SNTG1: variants seen among roughly 807,000 people sequenced by gnomAD.
SNTG1 encodes syntrophin gamma 1.
A neutral mutation model predicts 74.7 loss-of-function variants in SNTG1; 39 were observed. The observed-to-expected ratio is 0.52, with a 90% CI of 0.40 to 0.68. The LOEUF is 0.68. Among genes scored for constraint, SNTG1 ranks in the 30% least tolerant of loss-of-function variants. The probability of loss-of-function intolerance (pLI) is 0.00; values close to 1 mark genes in which losing one functional copy is unlikely to be tolerated. For synonymous variants in SNTG1, 254 were observed against 217.1 expected (o/e 1.17, Z -1.49); for missense variants, 685 against 609.5 (o/e 1.12, Z -1.30).
chr8:50,557,091 T>A (rs1444076250), intron 12 of SNTG1, among the ~76,000 whole-genome samples: 1 of 151,984 alleles, frequency 6.6e-6, no homozygotes, highest in East Asian at 1.9e-4. Flanking sequence ...GGGCCCTTTC[T>A]GCCCTGGAAA....
rs1056211688 is a variant in SNTG1 at position 50,715,255 on chromosome 8, A to T, written c.1284+6277A>T. On this transcript the variant is annotated intron_variant, in intron 17 of 18. Transcript: ENST00000642720. ...TATGTAAATATCCATTGTGATTATTAGAACATCATAAATTTGACTCTTAAA... is the reference window on the plus strand; with the variant it reads ...TATGTAAATATCCATTGTGATTATTTGAACATCATAAATTTGACTCTTAAA... Among the ~76,000 whole-genome samples the T allele has an allele frequency of 1.4e-4, 22 of 152,202 alleles. 1 individual carries two copies. Among genetic ancestry groups the T allele is most frequent in the Non-Finnish European group, 2.9e-5 (2 of 68,044 alleles).
intron 12 of SNTG1, among the ~76,000 whole-genome samples, chr8:50,574,708 T>G (rs1313227265): frequency 6.6e-6 from 1 of 152,200 alleles, no homozygotes; most frequent in East Asian, 1.9e-4. Flanking sequence ...TTTGTGTATA[T>G]TATATAATAA....
At chr8:50,301,605 A>C (rs564550814) in intron 2 of SNTG1, among the ~76,000 whole-genome samples, 22 of 151,956 alleles carry the variant, frequency 1.4e-4, no homozygotes, top group Non-Finnish European at 1.5e-4. Flanking sequence ...ACACCTTTCT[A>C]TTTTTAAGCT....
At chr8:50,245,868 C>G (rs906160062) in intron 2 of SNTG1, among the ~76,000 whole-genome samples, 1 of 151,866 alleles carries the variant, frequency 6.6e-6, no homozygotes, top group African/African-American at 2.4e-5. Context: ...CGTGATAGAA[C>G]GTGTAAGTAC....
chr8:50,088,647 C>T (rs111282619), intron 1 of SNTG1, among the ~76,000 whole-genome samples: 10,213 of 125,572 alleles, frequency 0.081, 1,287 homozygotes, highest in African/African-American at 0.25. Flanking sequence ...AGTGAACTCC[C>T]ATTCACAATT....
chr8:50,780,225 G>A (rs531991263), intron 18 of SNTG1, among the ~76,000 whole-genome samples: 2 of 152,278 alleles, frequency 1.3e-5, no homozygotes, highest in South Asian at 4.1e-4. Flanking sequence ...CTTAAAATGA[G>A]TTAGGGAGGA....
intron 3 of SNTG1, 112 bp downstream of exon 3, chr8:50,394,377 A>G (rs2092701468): frequency 9.7e-7 from 1 of 1,026,122 alleles, no homozygotes; most frequent in African/African-American, 1.6e-5. Flanking sequence ...TGGAGAGAGG[A>G]GGATGGGCTC....
intron 13 of SNTG1, among the ~76,000 whole-genome samples, chr8:50,619,329 T>G (rs909744687): frequency 1.3e-5 from 2 of 152,208 alleles, no homozygotes; most frequent in South Asian, 2.1e-4. Context: ...AGTACCTATA[T>G]ATGCTTAAGT....
chr8:50,585,145 G>A (rs554526750), intron 12 of SNTG1, among the ~76,000 whole-genome samples: 1 of 152,292 alleles, frequency 6.6e-6, no homozygotes, highest in African/African-American at 2.4e-5. Flanking sequence ...AAGAAATCAA[G>A]CAGAGATGAA....
At chr8:50,748,075 T>A (rs551099940) in intron 17 of SNTG1, among the ~76,000 whole-genome samples, 1 of 152,160 alleles carries the variant, frequency 6.6e-6, no homozygotes, top group South Asian at 2.1e-4. Flanking sequence ...TCTGGCATTG[T>A]TACCACTCAC....
chr8:50,532,104 C>T (rs1269180866), intron 10 of SNTG1, among the ~76,000 whole-genome samples: 2 of 152,140 alleles, frequency 1.3e-5, no homozygotes, highest in Non-Finnish European at 2.9e-5. Flanking sequence ...GGAGCTATGT[C>T]TCCCCATTTC....
intron 1 of SNTG1, among the ~76,000 whole-genome samples, chr8:50,145,612 G>A (rs571763672): frequency 3.3e-5 from 5 of 151,960 alleles, no homozygotes; most frequent in Admixed American, 6.6e-5. Flanking sequence ...CAGTTGGGGC[G>A]GTGTTGAGAA....
chr8:50,073,040 G>C (rs1821512972), intron 1 of SNTG1, among the ~76,000 whole-genome samples: 1 of 152,024 alleles, frequency 6.6e-6, no homozygotes, highest in South Asian at 2.1e-4. Context: ...GGGGTGGGTG[G>C]GGCAATTTTC....
intron 2 of SNTG1, among the ~76,000 whole-genome samples, chr8:50,268,190 A>G (rs991430505): frequency 1.3e-5 from 2 of 152,184 alleles, no homozygotes; most frequent in Non-Finnish European, 2.9e-5. Context: ...TTTGGTAAAA[A>G]TTTAACAAAA....
chr8:50,443,311 A>G (rs1485222610), intron 5 of SNTG1, among the ~76,000 whole-genome samples: 3 of 152,158 alleles, frequency 2.0e-5, no homozygotes, highest in Non-Finnish European at 4.4e-5. Flanking sequence ...GATGTTTTAA[A>G]TGTTATTACT....
At chr8:50,160,809 C>CT (rs1488916166) in intron 1 of SNTG1, among the ~76,000 whole-genome samples, 2 of 152,182 alleles carry the variant, frequency 1.3e-5, no homozygotes, top group Non-Finnish European at 2.9e-5. Context: ...AGCTGTAGTA[C>CT]TTTTTTGGGA....
chr8:50,399,246 T>TAA (rs5891364), intron 3 of SNTG1, among the ~76,000 whole-genome samples: 6 of 151,686 alleles, frequency 4.0e-5, no homozygotes, highest in African/African-American at 7.3e-5. Flanking sequence ...TGATTTATTC[T>TAA]AAAAAAAATC....
chr8:49,970,942 A>C (rs1811607667), intron 1 of SNTG1, among the ~76,000 whole-genome samples: 1 of 152,202 alleles, frequency 6.6e-6, no homozygotes, highest in Non-Finnish European at 1.5e-5. Flanking sequence ...CCACAGGTAC[A>C]AGGAGGAGCT....
chr8:49,935,117 G>A (rs1477483945), intron 1 of SNTG1, among the ~76,000 whole-genome samples: 1 of 151,668 alleles, frequency 6.6e-6, no homozygotes, highest in African/African-American at 2.4e-5. Flanking sequence ...GTTGTAGGAA[G>A]CATTTGAAAG....
Sources: gnomAD v4.1 joint callset for allele counts (sites outside exome capture counted in the v4.1 genomes callset) on GRCh38, gnomAD v4.1.1 for gene constraint, MANE v1.5 for transcripts, NCBI Gene and HGNC (gene_info 2026-07-23, HGNC 2026-07-21) for gene names.